CBFA2T3: variants seen among roughly 807,000 people sequenced by gnomAD.
The protein encoded by CBFA2T3 is CBFA2/RUNX1 partner transcriptional co-repressor 3, also known as transcriptional corepressor CBFA2T3.
A neutral mutation model predicts 58.6 loss-of-function variants in CBFA2T3; 31 were observed. That is an observed-to-expected ratio of 0.53 (90% CI 0.40 to 0.71). The LOEUF is 0.71. CBFA2T3 is among the 30% of genes least tolerant of loss of function. The pLI, the probability that CBFA2T3 is intolerant of heterozygous loss-of-function variation, is 0.00. For synonymous variants in CBFA2T3, 531 were observed against 421.9 expected (o/e 1.26, Z -3.17); for missense variants, 1,076 against 963.1 (o/e 1.12, Z -1.55).
intron 1 of CBFA2T3, among the ~76,000 whole-genome samples, chr16:88,908,785 G>A (rs925211347): frequency 1.2e-4 from 18 of 152,278 alleles, no homozygotes; most frequent in Non-Finnish European, 1.5e-5. Flanking sequence ...GGCATAGGAC[G>A]CTGGGCAGGT....
intron 11 of CBFA2T3, among the ~76,000 whole-genome samples, chr16:88,878,416 T>C (rs1257760877): frequency 6.6e-6 from 1 of 152,190 alleles, no homozygotes; most frequent in Non-Finnish European, 1.5e-5. Flanking sequence ...ATCCGCCCTA[T>C]CTCAAGGGAC....
rs541538174 is a variant in CBFA2T3 at position 88,910,878 on chromosome 16, TCCCCTGC to T, written c.152-9229_152-9223del. ...TCCAGATGACCAGGAGGCGGCTCCCTCCCCTGCCCCCAGCCCCCAGCCTCCAGGGCTG... is the reference window on the plus strand; with the variant it reads ...TCCAGATGACCAGGAGGCGGCTCCCTCCCCAGCCCCCAGCCTCCAGGGCTG... On this transcript the variant is annotated intron_variant, in intron 1 of 11. Transcript: ENST00000268679. 3.6e-3 allele frequency among the ~76,000 whole-genome samples: 484 copies of T among 134,226 alleles called. 1 individual carries two copies. The highest frequency in any genetic ancestry group is 0.012 in the African/African-American group (461 of 39,238). 88.1% of individuals were successfully genotyped at this position (134,226 alleles called of 152,430 possible).
chr16:88,943,945 C>CG (rs909034244), intron 1 of CBFA2T3, among the ~76,000 whole-genome samples: 3 of 151,980 alleles, frequency 2.0e-5, no homozygotes, highest in African/African-American at 7.3e-5. Context: ...ACTCAGGGCT[C>CG]GGGAGGGGGC....
intron 2 of CBFA2T3, 124 bp from the exon 3 acceptor site, chr16:88,898,276 G>C (rs1451084432): frequency 4.1e-6 from 3 of 736,886 alleles, no homozygotes; most frequent in East Asian, 2.6e-5. Flanking sequence ...GCGTGGGCAG[G>C]AGACTGCCCT....
intron 1 of CBFA2T3, among the ~76,000 whole-genome samples, chr16:88,920,341 A>T (rs962188293): frequency 1.3e-5 from 2 of 152,042 alleles, no homozygotes; most frequent in Non-Finnish European, 2.9e-5. Flanking sequence ...CAGAGGCATG[A>T]TCTCGCCTCA....
At chr16:88,888,297 A>C (rs1969463566) in intron 5 of CBFA2T3, among the ~76,000 whole-genome samples, 1 of 148,436 alleles carries the variant, frequency 6.7e-6, no homozygotes. Context: ...CGGGCTGTGG[A>C]TGTCTTGGGA....
chr16:88,902,959 G>C (rs771026416), intron 1 of CBFA2T3, among the ~76,000 whole-genome samples: 1 of 151,882 alleles, frequency 6.6e-6, no homozygotes, highest in Non-Finnish European at 1.5e-5. Flanking sequence ...TCTCACCCAC[G>C]ACTGCCCTGC....
intron 1 of CBFA2T3, among the ~76,000 whole-genome samples, chr16:88,931,771 G>C (rs548787330): frequency 6.6e-6 from 1 of 152,268 alleles, no homozygotes; most frequent in African/African-American, 2.4e-5. Context: ...GTCTGGGCAG[G>C]TTTGGTTGGA....
At chr16:88,942,018 C>T (rs1971758868) in intron 1 of CBFA2T3, among the ~76,000 whole-genome samples, 1 of 151,896 alleles carries the variant, frequency 6.6e-6, no homozygotes, top group Non-Finnish European at 1.5e-5. Context: ...GCTCAGCCTC[C>T]CGGGCGGGTC....
At chr16:88,931,651 T>A (rs996904643) in intron 1 of CBFA2T3, among the ~76,000 whole-genome samples, 2 of 150,224 alleles carry the variant, frequency 1.3e-5, no homozygotes, top group African/African-American at 5.0e-5. Context: ...AGAAGGGCCG[T>A]GGGCTGGCCC....
At chr16:88,891,842 A>G (rs759763569) in intron 5 of CBFA2T3, 40 bp downstream of exon 5, 2 of 1,440,156 alleles carry the variant, frequency 1.4e-6, no homozygotes, top group Admixed American at 3.4e-5. Context: ...GGGGCCTTCT[A>G]GGGAGGCTCC....
At chr16:88,902,663 G>T (rs973188835) in intron 1 of CBFA2T3, 4 of 152,298 alleles carry the variant, frequency 2.6e-5, no homozygotes, top group East Asian at 3.9e-4. Context: ...TCTGCAGGGG[G>T]TGCGGGTGTA....
chr16:88,972,963 G>A (rs1450774237), intron 1 of CBFA2T3, among the ~76,000 whole-genome samples: 2 of 152,184 alleles, frequency 1.3e-5, no homozygotes, highest in East Asian at 1.9e-4. Flanking sequence ...GGCCTCAGAC[G>A]TCTTGTCATG....
intron 1 of CBFA2T3, among the ~76,000 whole-genome samples, chr16:88,906,565 C>A (rs1273780552): frequency 6.6e-6 from 1 of 152,210 alleles, no homozygotes; most frequent in Non-Finnish European, 1.5e-5. Flanking sequence ...CTGAGGCAAC[C>A]CCGGGGGCTC....
chr16:88,918,622 G>C (rs1970815857), intron 1 of CBFA2T3, among the ~76,000 whole-genome samples: 1 of 152,272 alleles, frequency 6.6e-6, no homozygotes, highest in Non-Finnish European at 1.5e-5. Context: ...CAGGAGGCTG[G>C]GTGGCCTCCA....
chr16:88,965,507 G>A (rs370084155), intron 1 of CBFA2T3, among the ~76,000 whole-genome samples: 12 of 152,214 alleles, frequency 7.9e-5, no homozygotes, highest in South Asian at 4.1e-4. Context: ...CACAGGCCCC[G>A]AATCCTGCTT....
chr16:88,920,486 T>C (rs1970876731), intron 1 of CBFA2T3, among the ~76,000 whole-genome samples: 1 of 150,998 alleles, frequency 6.6e-6, no homozygotes, highest in Non-Finnish European at 1.5e-5. Context: ...GGTTTCACCA[T>C]GTTGGCCAGG....
At position 88,928,210 on chromosome 16, in the gene CBFA2T3, T is replaced by C. The variant is rs540580558; in HGVS notation, c.152-26554A>G. 4.5e-4 allele frequency among the ~76,000 whole-genome samples: 69 copies of C among 152,352 alleles called. 1 individual carries two copies. In the South Asian group the frequency reaches 0.011, roughly 24 times the overall value. ...ACGCCTCTGAGTTTGGGGTGGTTTG[T>C]TCGGCAGCACTGGGGCCCGGGGCAG... On this transcript the variant is annotated intron_variant, in intron 1 of 11. Coordinates refer to ENST00000268679, the MANE Select transcript of CBFA2T3 (RefSeq NM_005187.6).
At chr16:88,907,240 C>T (rs1213851567) in intron 1 of CBFA2T3, among the ~76,000 whole-genome samples, 3 of 152,174 alleles carry the variant, frequency 2.0e-5, no homozygotes, top group Admixed American at 6.5e-5. Flanking sequence ...GGAGGGCTCC[C>T]GAGGCCTGGC....
Sources: gnomAD v4.1 joint callset for allele counts (sites outside exome capture counted in the v4.1 genomes callset) on GRCh38, gnomAD v4.1.1 for gene constraint, MANE v1.5 for transcripts, NCBI Gene and HGNC (gene_info 2026-07-23, HGNC 2026-07-21) for gene names.